ACAT2: variants seen among roughly 807,000 people sequenced by gnomAD.
ACAT2 encodes the protein acetyl-CoA acetyltransferase 2, also known as acetyl-CoA acetyltransferase, cytosolic.
Under a neutral mutation model 37.1 loss-of-function variants are expected in ACAT2, and 26 were observed. That is an observed-to-expected ratio of 0.70 (90% CI 0.51 to 0.97). ACAT2 has a LOEUF of 0.97. Ranked by LOEUF, ACAT2 falls within the 50% of genes least tolerant of loss-of-function variation. The probability of loss-of-function intolerance (pLI) is 0.00; values close to 1 mark genes in which losing one functional copy is unlikely to be tolerated. For missense variants in ACAT2, 468 were observed against 489.0 expected (o/e 0.96, Z 0.40); for synonymous variants, 156 against 163.6 (o/e 0.95, Z 0.35).
intron 1 of ACAT2, chr6:159,762,375 G>A: frequency 7.4e-7 from 1 of 1,357,270 alleles, no homozygotes; most frequent in Non-Finnish European, 9.6e-7. Context: ...GCTTGGATTG[G>A]CTCCCGGGGT....
At chr6:159,766,010 G>A (rs1780250241) in intron 2 of ACAT2, among the ~76,000 whole-genome samples, 1 of 152,182 alleles carries the variant, frequency 6.6e-6, no homozygotes, top group African/African-American at 2.4e-5. Context: ...AGACAATGGC[G>A]ATTGAGAATA....
intron 2 of ACAT2, among the ~76,000 whole-genome samples, chr6:159,763,873 G>A (rs879695241): frequency 3.6e-4 from 55 of 151,788 alleles, no homozygotes; most frequent in Non-Finnish European, 6.0e-4. Flanking sequence ...AGGCCGAGGT[G>A]GGCGGATCAT....
At chr6:159,762,339 C>T (rs370253154) in intron 1 of ACAT2, 197 bp downstream of exon 1, 183 of 1,242,084 alleles carry the variant, frequency 1.5e-4, no homozygotes, top group South Asian at 1.3e-3. Context: ...CCTCTCCTCT[C>T]CCGATGTGCG....
chr6:159,778,515 G>A (rs1780484871), intron 8 of ACAT2, 144 bp from the exon 9 acceptor site: 12 of 902,772 alleles, frequency 1.3e-5, no homozygotes, highest in East Asian at 1.3e-4. Context: ...TCACAAAGGT[G>A]TAAATTTATT....
intron 6 of ACAT2, 104 bp downstream of exon 6, chr6:159,776,376 C>A: frequency 7.4e-7 from 1 of 1,347,570 alleles, no homozygotes; most frequent in Non-Finnish European, 9.9e-7. Flanking sequence ...TTTTTTGGGA[C>A]AGGGACTCAC....
intron 2 of ACAT2, among the ~76,000 whole-genome samples, chr6:159,764,258 C>G (rs1780217904): frequency 6.6e-6 from 1 of 152,088 alleles, no homozygotes; most frequent in East Asian, 1.9e-4. Flanking sequence ...GAGTATGGTT[C>G]CAACAATACA....
At chr6:159,778,089 A>G (rs898967823) in intron 7 of ACAT2, 81 bp from the exon 8 acceptor site, 13 of 891,766 alleles carry the variant, frequency 1.5e-5, no homozygotes, top group Admixed American at 6.7e-5. Context: ...CATGCAGCAT[A>G]TATTTATGTT....
At chr6:159,766,269 C>A (rs1780253891) in intron 2 of ACAT2, among the ~76,000 whole-genome samples, 1 of 152,142 alleles carries the variant, frequency 6.6e-6, no homozygotes, top group Non-Finnish European at 1.5e-5. Context: ...TTTTAAGTAA[C>A]CCTTTTTCTT....
In ACAT2 at chr6:159,775,298, G is replaced by C. The variant is rs754886413; in HGVS notation, c.619G>C (p.Val207Leu). 2.5e-6 allele frequency: 4 copies of C among 1,614,034 alleles called. No individual in the cohort carries two copies. The highest frequency in any genetic ancestry group is 3.3e-5 in the Admixed American group (2 of 59,994). The change falls in exon 5 of 9, where the codon GTG becomes CTG. Residue 207 changes from valine to leucine, a missense_variant. Val to Leu is a conservative substitution (Grantham distance 32, BLOSUM62 1). Coordinates refer to ENST00000367048, the MANE Select transcript of ACAT2 (RefSeq NM_005891.3). ...TGACAAAGAGATTGTACCAGTTTTG[G>C]TGTCAACTAGAAAAGGTGAGTATAT... The part of the protein sequence containing the change: ...HFDKEIVPVL[V>L]STRKGLIEVK...
In ACAT2 at chr6:159,768,612, T is replaced by C. The variant is rs768956290; in HGVS notation, c.474T>C (p.Cys158=). The C allele has an allele frequency of 4.3e-6, 7 of 1,609,916 alleles. No individual in the cohort carries two copies. The South Asian group carries it at 7.7e-5, about 18-fold the overall frequency. ...GTCTTACAGATGCATTTCACAACTG[T>C]CATATGGGTATTACAGGTAAGGCAG... ...CDGLTDAFHN[C]HMGITAENVA... is the part of the protein sequence containing the mutation. Residue 158 remains cysteine (C), a synonymous_variant, in exon 4 of 9, where the codon TGT becomes TGC. Transcript: ENST00000367048.
At chr6:159,764,453 T>G (rs1780222118) in intron 2 of ACAT2, among the ~76,000 whole-genome samples, 2 of 152,170 alleles carry the variant, frequency 1.3e-5, no homozygotes, top group South Asian at 4.1e-4. Flanking sequence ...TTATTATTAT[T>G]TAAAGAGACA....
chr6:159,777,475 C>T lies in ACAT2; in HGVS notation c.912+19C>T. 1 of 1,600,162 alleles carries T rather than the reference C, an allele frequency of 6.2e-7. No individual in the cohort carries two copies. The highest frequency in any genetic ancestry group is 8.5e-7 in the Non-Finnish European group (1 of 1,174,776). ...GCAAGCTGTGAGTATAACCCTATTC[C>T]CTTTTATGAAATTTGTCTTCCTGTT... is the stretch of plus-strand genomic sequence containing the variant. On this transcript the variant is annotated intron_variant, in intron 7 of 8. Transcript: ENST00000367048.
intron 4 of ACAT2, among the ~76,000 whole-genome samples, chr6:159,771,014 G>A (rs1780327670): frequency 6.6e-6 from 1 of 152,090 alleles, no homozygotes; most frequent in African/African-American, 2.4e-5. Flanking sequence ...GCAGCAAGCT[G>A]AGATCACACC....
At chr6:159,773,621 A>G (rs1780371912) in intron 4 of ACAT2, among the ~76,000 whole-genome samples, 1 of 152,168 alleles carries the variant, frequency 6.6e-6, no homozygotes, top group Non-Finnish European at 1.5e-5. Flanking sequence ...TTCAGCGTGC[A>G]AATAAGTTAT....
At position 159,765,980 on chromosome 6, in the gene ACAT2, T is replaced by C. The variant is rs73601365; in HGVS notation, c.191-1025T>C. ...AATAGAGTAACCACTTTATAAACATTTACCATTGACTCTGATAACAGACAA... is the reference window on the plus strand; with the variant it reads ...AATAGAGTAACCACTTTATAAACATCTACCATTGACTCTGATAACAGACAA... On this transcript the variant is annotated intron_variant, in intron 2 of 8. Coordinates refer to ENST00000367048, the MANE Select transcript of ACAT2 (RefSeq NM_005891.3). Among the ~76,000 whole-genome samples the C allele has an allele frequency of 6.3e-3, 960 of 152,318 alleles. 6 individuals are homozygous for C. Among genetic ancestry groups the C allele is most frequent in the African/African-American group, 0.022 (916 of 41,572 alleles).
chr6:159,775,503 T>C lies in ACAT2; in HGVS notation c.634+190T>C, dbSNP rs996533933. 3 of 615,232 alleles carry C rather than the reference T, an allele frequency of 4.9e-6. No individual in the cohort carries two copies. The East Asian group carries it at 9.1e-5, about 19-fold the overall frequency. The allele number at this position is 615,232 out of a possible 1,614,324, so 38.1% of individuals were successfully genotyped here. On this transcript the variant is annotated intron_variant, in intron 5 of 8. Coordinates refer to ENST00000367048, the MANE Select transcript of ACAT2 (RefSeq NM_005891.3). ...ACAGGACACGGTAACATGGGACCTA[T>C]GTCAGCACTCAAGCACTCTTGGTTC...
intron 3 of ACAT2, 33 bp from the exon 4 acceptor site, chr6:159,768,478 A>G: frequency 6.8e-7 from 1 of 1,475,128 alleles, no homozygotes; most frequent in Non-Finnish European, 9.5e-7. Flanking sequence ...AATTGCAACT[A>G]AGCCTAAATC....
chr6:159,769,319 C>T (rs1225555838), intron 4 of ACAT2, among the ~76,000 whole-genome samples: 1 of 152,192 alleles, frequency 6.6e-6, no homozygotes, highest in African/African-American at 2.4e-5. Flanking sequence ...TCTCGACTTA[C>T]AGCCACAACA....
chr6:159,775,976 C>A (rs1169676983), intron 5 of ACAT2, 174 bp from the exon 6 acceptor site: 5 of 647,854 alleles, frequency 7.7e-6, no homozygotes, highest in Non-Finnish European at 1.3e-5. Context: ...AAATTGTTTT[C>A]ATGTACAATA....
Sources: gnomAD v4.1 joint callset for allele counts (sites outside exome capture counted in the v4.1 genomes callset) on GRCh38, gnomAD v4.1.1 for gene constraint, MANE v1.5 for transcripts, NCBI Gene and HGNC (gene_info 2026-07-23, HGNC 2026-07-21) for gene names.